The following SUDS3 variants were observed in gnomAD, a reference collection of about 807,000 sequenced individuals.
SUDS3 encodes the protein SIN3A corepressor complex component SDS3.
Under a neutral mutation model 53.5 loss-of-function variants are expected in SUDS3, and 23 were observed. The observed-to-expected ratio is 0.43, with a 90% CI of 0.31 to 0.61. SUDS3 has a LOEUF of 0.61. SUDS3 is among the 20% of genes least tolerant of loss of function. The pLI is 0.10. For synonymous variants in SUDS3, 150 were observed against 148.5 expected (o/e 1.01, Z -0.08); for missense variants, 291 against 405.9 (o/e 0.72, Z 2.43).
At chr12:118,401,716 T>A in intron 7 of SUDS3, 43 bp from the exon 8 acceptor site, 1 of 1,536,276 alleles carries the variant, frequency 6.5e-7, no homozygotes, top group Non-Finnish European at 9.0e-7. Flanking sequence ...ACTCTTTGCC[T>A]GGAAACTGTA....
intron 6 of SUDS3, among the ~76,000 whole-genome samples, chr12:118,395,216 G>GT (rs71772462): frequency 0.036 from 2,846 of 80,062 alleles, 220 homozygotes; most frequent in African/African-American, 0.1. Flanking sequence ...TGGAATCAGG[G>GT]TTTTTTTTTT....
rs749534010 is a variant in SUDS3, at chr12:118,380,341, T to G, written c.212+110T>G. ...AGATGCTCCAAAATCTAAAACTTCCTGAGTGCCAGCATGATGCTCAAAGGA... is the reference window on the plus strand; with the variant it reads ...AGATGCTCCAAAATCTAAAACTTCCGGAGTGCCAGCATGATGCTCAAAGGA... On this transcript the variant is annotated intron_variant, in intron 2 of 11. Coordinates refer to ENST00000543473, the MANE Select transcript of SUDS3 (RefSeq NM_022491.3). 2.7e-5 allele frequency: 25 copies of G among 932,976 alleles called. No individual in the cohort carries two copies. In the Middle Eastern group the frequency reaches 7.6e-4, roughly 28 times the overall value. The allele number at this position is 932,976 out of a possible 1,614,324, so 57.8% of individuals were successfully genotyped here.
intron 10 of SUDS3, among the ~76,000 whole-genome samples, chr12:118,409,078 A>G (rs560393337): frequency 1.3e-5 from 2 of 152,316 alleles, no homozygotes; most frequent in East Asian, 3.9e-4. Context: ...TTTACCAACT[A>G]ATAAAGGGCC....
chr12:118,378,713 T>A (rs2141357299), intron 1 of SUDS3, among the ~76,000 whole-genome samples: 1 of 152,236 alleles, frequency 6.6e-6, no homozygotes, highest in East Asian at 1.9e-4. Flanking sequence ...TTCACTCTTG[T>A]TGCCCAGGGT....
chr12:118,410,848 C>G (rs556735753), intron 10 of SUDS3, among the ~76,000 whole-genome samples: 47 of 152,146 alleles, frequency 3.1e-4, no homozygotes, highest in Non-Finnish European at 5.1e-4. Flanking sequence ...CCGCCTGCCT[C>G]GGCCTCCCAA....
rs375288763 is a variant in SUDS3 at position 118,398,614 on chromosome 12, CTTT to C, written c.518-2028_518-2026del. On this transcript the variant is annotated intron_variant, in intron 6 of 11. Coordinates refer to ENST00000543473, the MANE Select transcript of SUDS3 (RefSeq NM_022491.3). ...TCTCTTAAGAGCAACATGCAGAAGC[CTTT>C]TTTTTTTTTTTTTTTTCAAATTTTC... is the stretch of plus-strand genomic sequence containing the variant. 2.7e-4 allele frequency among the ~76,000 whole-genome samples: 31 copies of C among 113,306 alleles called. 1 individual carries two copies. Among genetic ancestry groups the C allele is most frequent in the Middle Eastern group, 9.6e-3 (2 of 208 alleles). The allele number at this position is 113,306 out of a possible 152,430, so 74.3% of individuals were successfully genotyped here.
intron 2 of SUDS3, among the ~76,000 whole-genome samples, chr12:118,382,821 C>T (rs928349015): frequency 3.2e-4 from 41 of 128,472 alleles, no homozygotes; most frequent in Admixed American, 2.4e-3. Flanking sequence ...GCGCCCACCA[C>T]CACGTCTGGC....
intron 4 of SUDS3, among the ~76,000 whole-genome samples, chr12:118,389,373 C>T (rs2046144461): frequency 6.6e-6 from 1 of 152,170 alleles, no homozygotes; most frequent in African/African-American, 2.4e-5. Flanking sequence ...CTTCTTGACC[C>T]ATCCTGCCAC....
At chr12:118,382,656 T>G (rs886443864) in intron 2 of SUDS3, among the ~76,000 whole-genome samples, 2 of 148,986 alleles carry the variant, frequency 1.3e-5, no homozygotes, top group East Asian at 3.9e-4. Flanking sequence ...AATAAGCCAA[T>G]GTGCCCAGCC....
In SUDS3 at chr12:118,401,564, G is replaced by A. The variant is rs189554345; in HGVS notation, c.614-195G>A. 2.0e-5 allele frequency among the ~76,000 whole-genome samples: 3 copies of A among 152,180 alleles called. No individual in the cohort carries two copies. In the East Asian group the frequency reaches 5.8e-4, roughly 30 times the overall value. On this transcript the variant is annotated intron_variant, in intron 7 of 11. Transcript: ENST00000543473. Reference sequence around the variant, plus strand: ...CCTTCTCATCCTAGCAGTGGGGGATGTGAATTCTTTTATGTATTGAAGTAC... The same window carrying A: ...CCTTCTCATCCTAGCAGTGGGGGATATGAATTCTTTTATGTATTGAAGTAC...
chr12:118,376,982 C>G (rs2046003590), intron 1 of SUDS3, 149 bp downstream of exon 1: 1 of 1,085,668 alleles, frequency 9.2e-7, no homozygotes, highest in South Asian at 1.9e-5. Context: ...GGGGAAGTTA[C>G]CCCCATCCGT....
chr12:118,408,101 A>G (rs963417728), intron 10 of SUDS3, among the ~76,000 whole-genome samples: 3 of 152,176 alleles, frequency 2.0e-5, no homozygotes, highest in South Asian at 2.1e-4. Context: ...GGGTTTCACC[A>G]TGTTCGCCAG....
intron 6 of SUDS3, among the ~76,000 whole-genome samples, chr12:118,397,061 T>G (rs950125195): frequency 6.6e-6 from 1 of 152,204 alleles, no homozygotes; most frequent in African/African-American, 2.4e-5. Flanking sequence ...AAGTCTGCTT[T>G]AAGTGCTTGA....
At chr12:118,387,851 C>T (rs73205583) in intron 4 of SUDS3, among the ~76,000 whole-genome samples, 53 of 152,174 alleles carry the variant, frequency 3.5e-4, no homozygotes, top group Non-Finnish European at 6.9e-4. Flanking sequence ...CCAACGTGCC[C>T]GGCCCTCATG....
chr12:118,390,461 TG>T (rs889045906), intron 5 of SUDS3, among the ~76,000 whole-genome samples: 2 of 152,128 alleles, frequency 1.3e-5, no homozygotes, highest in Admixed American at 6.6e-5. Flanking sequence ...AGCATGTGTG[TG>T]GGGGTTACTT....
In SUDS3 at chr12:118,407,690, CACATGTA is replaced by C. The variant is rs1346119941; in HGVS notation, c.804-3375_804-3369del. 5.3e-5 allele frequency among the ~76,000 whole-genome samples: 8 copies of C among 151,342 alleles called. No homozygotes were observed. The East Asian group carries it at 1.4e-3, about 26-fold the overall frequency. On this transcript the variant is annotated intron_variant, in intron 10 of 11. Transcript: ENST00000543473. Reference sequence around the variant, plus strand: ...TTTGTGAGGATATGATACATGGATACACATGTAACATGTATATGTGTTATTTTTGGTT... The same window carrying C: ...TTTGTGAGGATATGATACATGGATACACATGTATATGTGTTATTTTTGGTT...
At chr12:118,405,257 A>G (rs2046299415) in intron 10 of SUDS3, among the ~76,000 whole-genome samples, 1 of 152,242 alleles carries the variant, frequency 6.6e-6, no homozygotes, top group South Asian at 2.1e-4. Flanking sequence ...CATTTTTACA[A>G]ATCTATGAGT....
chr12:118,378,954 C>T (rs1333116115), intron 1 of SUDS3, among the ~76,000 whole-genome samples: 2 of 151,842 alleles, frequency 1.3e-5, no homozygotes, highest in Non-Finnish European at 2.9e-5. Flanking sequence ...GGATTACAGG[C>T]GTGAGCCACT....
At chr12:118,376,881 TGGGGGA>T in intron 1 of SUDS3, 48 bp downstream of exon 1, 2 of 375,446 alleles carry the variant, frequency 5.3e-6, no homozygotes, top group Non-Finnish European at 7.3e-6. Context: ...GTGGGACCGC[TGGGGGA>T]GGGGGTGGGG....
Sources: gnomAD v4.1 joint callset for allele counts (sites outside exome capture counted in the v4.1 genomes callset) on GRCh38, gnomAD v4.1.1 for gene constraint, MANE v1.5 for transcripts, NCBI Gene and HGNC (gene_info 2026-07-23, HGNC 2026-07-21) for gene names.